The following MMP16 variants were observed in gnomAD, a reference collection of about 807,000 sequenced individuals.
The protein encoded by MMP16 is matrix metallopeptidase 16.
MMP16 carries 12 observed loss-of-function variants against 67.8 expected under a neutral mutation model. The ratio of observed to expected loss-of-function variants is 0.18; its 90% CI spans 0.11 to 0.29. The LOEUF (loss-of-function observed/expected upper bound fraction) is 0.29. Ranked by LOEUF, MMP16 falls within the 10% of genes least tolerant of loss-of-function variation. MMP16 has a pLI of 1.00. For synonymous variants in MMP16, 249 were observed against 255.9 expected (o/e 0.97, Z 0.26); for missense variants, 475 against 765.7 (o/e 0.62, Z 4.48).
At chr8:88,128,721 T>A (rs1056528762) in intron 4 of MMP16, among the ~76,000 whole-genome samples, 5 of 151,752 alleles carry the variant, frequency 3.3e-5, no homozygotes, top group Admixed American at 1.3e-4. Flanking sequence ...GATCTTCTAA[T>A]CACATTGATA....
chr8:88,043,574 A>G (rs1256176050), intron 9 of MMP16, among the ~76,000 whole-genome samples: 1 of 152,186 alleles, frequency 6.6e-6, no homozygotes, highest in Non-Finnish European at 1.5e-5. Flanking sequence ...GGTGTGATAG[A>G]TAGGTATCAT....
chr8:88,159,372 C>T (rs1808572759), intron 4 of MMP16, among the ~76,000 whole-genome samples: 1 of 152,080 alleles, frequency 6.6e-6, no homozygotes, highest in Non-Finnish European at 1.5e-5. Context: ...TTGAAGAGGT[C>T]CTTCACATCC....
intron 6 of MMP16, among the ~76,000 whole-genome samples, chr8:88,075,843 A>T (rs1361876725): frequency 6.6e-6 from 1 of 151,858 alleles, no homozygotes; most frequent in Non-Finnish European, 1.5e-5. Context: ...TACATATTAT[A>T]TAAGTGATTT....
intron 1 of MMP16, among the ~76,000 whole-genome samples, chr8:88,296,308 A>G (rs983304024): frequency 1.3e-5 from 2 of 152,238 alleles, no homozygotes; most frequent in African/African-American, 2.4e-5. Flanking sequence ...ATTGACAAAT[A>G]ATAATTGTGT....
chr8:88,053,060 G>A (rs574040584), intron 8 of MMP16, among the ~76,000 whole-genome samples: 3 of 152,308 alleles, frequency 2.0e-5, no homozygotes, highest in African/African-American at 7.2e-5. Context: ...CATACTTTGT[G>A]CTTCAAAATG....
chr8:88,281,521 T>A (rs1285320146), intron 1 of MMP16, among the ~76,000 whole-genome samples: 6 of 152,222 alleles, frequency 3.9e-5, no homozygotes, highest in African/African-American at 1.4e-4. Context: ...TTGTGGATGT[T>A]AATATCAGAA....
At chr8:88,142,615 G>GA (rs1808231277) in intron 4 of MMP16, among the ~76,000 whole-genome samples, 1 of 152,010 alleles carries the variant, frequency 6.6e-6, no homozygotes, top group Non-Finnish European at 1.5e-5. Context: ...ATATTACAGT[G>GA]AAAGATTTAC....
At chr8:88,190,560 T>C (rs1809154573) in intron 2 of MMP16, among the ~76,000 whole-genome samples, 1 of 152,214 alleles carries the variant, frequency 6.6e-6, no homozygotes, top group Non-Finnish European at 1.5e-5. Flanking sequence ...GGCAGTCAGG[T>C]TCATTTCCAG....
chr8:88,107,595 C>A (rs554172081), intron 6 of MMP16, among the ~76,000 whole-genome samples: 70 of 151,166 alleles, frequency 4.6e-4, no homozygotes, highest in Non-Finnish European at 9.7e-4. Context: ...TAGAGTGAAT[C>A]TTTTAATCAA....
rs1811556922 is a variant in MMP16 at position 88,327,319 on chromosome 8, C to A, written c.-113G>T. 3 of 1,444,740 alleles carry A rather than the reference C, an allele frequency of 2.1e-6. No homozygotes were observed. The East Asian group carries it at 7.0e-5, about 34-fold the overall frequency. 89.5% of individuals were successfully genotyped at this position (1,444,740 alleles called of 1,614,324 possible). ...AAAGTCCTCCGGGTGGGTAAGGAGCCTGCAGGTTCACCCACAGCCGGGCAA... is the reference window on the plus strand; with the variant it reads ...AAAGTCCTCCGGGTGGGTAAGGAGCATGCAGGTTCACCCACAGCCGGGCAA... On this transcript the variant is annotated 5_prime_UTR_variant, in exon 1 of 10. It adds an upstream start codon to the 5' untranslated region. Coordinates refer to ENST00000286614, the MANE Select transcript of MMP16 (RefSeq NM_005941.5).
intron 1 of MMP16, among the ~76,000 whole-genome samples, chr8:88,238,513 C>T (rs1176025718): frequency 1.3e-5 from 2 of 151,688 alleles, no homozygotes; most frequent in Non-Finnish European, 2.9e-5. Flanking sequence ...CAAAAATTAG[C>T]TGGATGCAGC....
At chr8:88,138,247 T>G (rs1383500522) in intron 4 of MMP16, among the ~76,000 whole-genome samples, 1 of 151,960 alleles carries the variant, frequency 6.6e-6, no homozygotes, top group Non-Finnish European at 1.5e-5. Flanking sequence ...AAATCACCTG[T>G]GTCCTATTGG....
intron 1 of MMP16, among the ~76,000 whole-genome samples, chr8:88,315,228 A>AT (rs1373437858): frequency 3.9e-5 from 6 of 152,094 alleles, no homozygotes; most frequent in Non-Finnish European, 8.8e-5. Flanking sequence ...TATCAGTACC[A>AT]TTTTTTCCCA....
intron 6 of MMP16, among the ~76,000 whole-genome samples, chr8:88,112,666 G>GGGGTGGGTGTGTGTGTGT (rs1554578643): frequency 6.8e-6 from 1 of 146,790 alleles, no homozygotes; most frequent in South Asian, 2.2e-4. Flanking sequence ...AGGACAGAAG[G>GGGGTGGGTGTGTGTGTGT]GTGTGTGTGT....
intron 1 of MMP16, among the ~76,000 whole-genome samples, chr8:88,315,445 C>A (rs925756433): frequency 3.3e-5 from 5 of 152,094 alleles, no homozygotes; most frequent in African/African-American, 1.2e-4. Context: ...GTGAGATATG[C>A]ACTAAAACAG....
At chr8:88,087,282 C>T (rs1441870415) in intron 6 of MMP16, among the ~76,000 whole-genome samples, 1 of 151,906 alleles carries the variant, frequency 6.6e-6, no homozygotes. Context: ...TGCTTTCTCT[C>T]TCTTTCTTTA....
chr8:88,117,741 T>A (rs1809460467), intron 5 of MMP16, among the ~76,000 whole-genome samples: 1 of 151,986 alleles, frequency 6.6e-6, no homozygotes, highest in South Asian at 2.1e-4. Flanking sequence ...CACTGAGTTA[T>A]TAAAATTAAA....
At chr8:88,240,712 C>G (rs909296883) in intron 1 of MMP16, among the ~76,000 whole-genome samples, 1 of 152,072 alleles carries the variant, frequency 6.6e-6, no homozygotes, top group Non-Finnish European at 1.5e-5. Context: ...TCCAGTTCAT[C>G]TGTTTTCTGA....
intron 1 of MMP16, among the ~76,000 whole-genome samples, chr8:88,268,064 C>T (rs11993260): frequency 0.036 from 5,480 of 152,196 alleles, 332 homozygotes; most frequent in African/African-American, 0.12. Flanking sequence ...ATTCCTAGGC[C>T]GGGAGCGGTG....
Sources: allele counts gnomAD v4.1 joint callset (sites outside exome capture counted in the v4.1 genomes callset), GRCh38; gene constraint gnomAD v4.1.1; transcripts MANE v1.5; gene names NCBI Gene and HGNC (gene_info 2026-07-23, HGNC 2026-07-21).